The following TMEM132C variants were observed in gnomAD, a reference collection of about 807,000 sequenced individuals.
TMEM132C encodes transmembrane protein 132C.
In TMEM132C, 29 loss-of-function variants were observed where a neutral mutation model predicts 61.4. The ratio of observed to expected loss-of-function variants is 0.47; its 90% confidence interval spans 0.35 to 0.64. The LOEUF (loss-of-function observed/expected upper bound fraction) is 0.64. TMEM132C is among the 30% of genes least tolerant of loss of function. TMEM132C has a pLI of 0.00. For synonymous variants in TMEM132C, 656 were observed against 633.1 expected (o/e 1.04, Z -0.54); for missense variants, 1,408 against 1,476.9 (o/e 0.95, Z 0.76).
In TMEM132C at chr12:128,510,574, C is replaced by T. The variant is rs183862277; in HGVS notation, c.975-33383C>T. On this transcript the variant is annotated intron_variant, in intron 2 of 8. Coordinates refer to ENST00000435159, the MANE Select transcript of TMEM132C (RefSeq NM_001136103.3). ...GGTAGCCTGCCGTCTAGAAGACTCT[C>T]CTCACATTTTCTGCATCGCTGGAGC... is the stretch of plus-strand genomic sequence containing the variant. 1.2e-4 allele frequency among the ~76,000 whole-genome samples: 18 copies of T among 152,328 alleles called. 1 individual carries two copies. The East Asian group carries it at 3.3e-3, about 28-fold the overall frequency.
At chr12:128,304,634 A>G (rs891494885) in intron 1 of TMEM132C, among the ~76,000 whole-genome samples, 1 of 101,850 alleles carries the variant, frequency 9.8e-6, no homozygotes, top group African/African-American at 3.3e-5. Flanking sequence ...AGAAAGAAAG[A>G]AAGAAAAAAA....
At chr12:128,353,780 G>A (rs1415623054) in intron 1 of TMEM132C, among the ~76,000 whole-genome samples, 2 of 152,094 alleles carry the variant, frequency 1.3e-5, no homozygotes, top group Non-Finnish European at 1.5e-5. Flanking sequence ...AGTAGTGGCC[G>A]CAACCTGGTG....
At chr12:128,568,448 T>C (rs190251690) in intron 3 of TMEM132C, among the ~76,000 whole-genome samples, 260 of 152,328 alleles carry the variant, frequency 1.7e-3, no homozygotes, top group African/African-American at 5.7e-3. Flanking sequence ...ACATTTCAAA[T>C]AAATAATCAT....
chr12:128,348,296 A>G (rs1375799319), intron 1 of TMEM132C, among the ~76,000 whole-genome samples: 2 of 152,206 alleles, frequency 1.3e-5, no homozygotes, highest in Non-Finnish European at 2.9e-5. Flanking sequence ...CTGTAACTCT[A>G]CTGAATTCAA....
At position 128,705,900 on chromosome 12, in the gene TMEM132C, G is replaced by A; in HGVS notation, c.2932G>A (p.Ala978Thr). ...CGACTGGGTGTGGCTTGGCAATGAG[G>A]CCGAACTCCTGGAGAGCATGGGGGA... The part of the protein sequence containing the change: ...SHDWVWLGNE[A>T]ELLESMGDAP... Residue 978 changes from alanine (A) to threonine (T), a missense_variant, in exon 9 of 9, where the codon GCC becomes ACC. Coordinates refer to ENST00000435159, the MANE Select transcript of TMEM132C (RefSeq NM_001136103.3). The A allele has an allele frequency of 6.4e-7, 1 of 1,551,364 alleles. No individual in the cohort carries two copies. The highest frequency in any genetic ancestry group is 8.7e-7 in the Non-Finnish European group (1 of 1,146,982).
intron 5 of TMEM132C, among the ~76,000 whole-genome samples, chr12:128,672,721 A>G (rs1479610519): frequency 6.6e-6 from 1 of 152,182 alleles, no homozygotes; most frequent in South Asian, 2.1e-4. Context: ...GATGAGATCA[A>G]TGATATTTTC....
intron 1 of TMEM132C, among the ~76,000 whole-genome samples, chr12:128,375,266 C>T (rs549141828): frequency 5.3e-5 from 8 of 152,174 alleles, no homozygotes; most frequent in South Asian, 4.1e-4. Context: ...AGGAAGGCCA[C>T]GGGAGGGCTC....
intron 2 of TMEM132C, among the ~76,000 whole-genome samples, chr12:128,460,981 G>A (rs898862226): frequency 2.6e-5 from 4 of 152,124 alleles, no homozygotes; most frequent in Non-Finnish European, 4.4e-5. Context: ...GAGAGGATGC[G>A]TGTTCATCAA....
chr12:128,528,557 CAG>C (rs1221370756), intron 2 of TMEM132C, among the ~76,000 whole-genome samples: 2 of 152,142 alleles, frequency 1.3e-5, no homozygotes, highest in African/African-American at 4.8e-5. Context: ...TGCCTTGGAA[CAG>C]AGTTTCTCAA....
chr12:128,389,501 C>T (rs898332182), intron 1 of TMEM132C, among the ~76,000 whole-genome samples: 8 of 152,172 alleles, frequency 5.3e-5, no homozygotes, highest in Admixed American at 5.2e-4. Context: ...ATTCTGTTTT[C>T]TCCCACCAGA....
Position 128,697,213 on chromosome 12 carries a change from C to A in TMEM132C, c.1930-11C>A. 1.3e-6 allele frequency: 2 copies of A among 1,492,950 alleles called. No individual in the cohort carries two copies. The highest frequency in any genetic ancestry group is 1.8e-6 in the Non-Finnish European group (2 of 1,109,852). The allele number at this position is 1,492,950 out of a possible 1,614,324, so 92.5% of individuals were successfully genotyped here. On this transcript the variant is annotated splice_polypyrimidine_tract_variant and intron_variant, in intron 7 of 8. Coordinates refer to ENST00000435159, the MANE Select transcript of TMEM132C (RefSeq NM_001136103.3). ...GTGATGGATTTTCCTTGTGTCCTGC[C>A]AATCCCACAGGTGTTGTCTCCACTG... is the stretch of plus-strand genomic sequence containing the variant.
intron 5 of TMEM132C, among the ~76,000 whole-genome samples, chr12:128,687,581 G>T (rs972804937): frequency 4.3e-4 from 65 of 152,222 alleles, no homozygotes; most frequent in Non-Finnish European, 6.3e-4. Flanking sequence ...AGGCCCTGTG[G>T]CAGGTGTGCA....
chr12:128,573,338 AAACTATCAC>A (rs1440789481), intron 3 of TMEM132C, among the ~76,000 whole-genome samples: 3 of 152,146 alleles, frequency 2.0e-5, no homozygotes, highest in Non-Finnish European at 2.9e-5. Context: ...CATTCTGAGC[AAACTATCAC>A]AAGGACAGAA....
chr12:128,579,145 TGG>T (rs1195528849), intron 3 of TMEM132C, among the ~76,000 whole-genome samples: 2 of 152,236 alleles, frequency 1.3e-5, no homozygotes, highest in African/African-American at 4.8e-5. Flanking sequence ...TCTTATAGCC[TGG>T]GGGCGAGCAC....
At chr12:128,420,995 A>G (rs1026042974) in intron 2 of TMEM132C, among the ~76,000 whole-genome samples, 2 of 152,210 alleles carry the variant, frequency 1.3e-5, no homozygotes, top group Admixed American at 1.3e-4. Context: ...GGGAACCAAC[A>G]CTGTATTTTT....
chr12:128,653,557 C>T (rs1274999320), intron 4 of TMEM132C, among the ~76,000 whole-genome samples: 1 of 152,176 alleles, frequency 6.6e-6, no homozygotes, highest in East Asian at 1.9e-4. Context: ...GGCCTGGGCT[C>T]CATCCCTGGC....
intron 1 of TMEM132C, among the ~76,000 whole-genome samples, chr12:128,350,882 A>G (rs1393668241): frequency 6.6e-6 from 1 of 152,118 alleles, no homozygotes; most frequent in Non-Finnish European, 1.5e-5. Flanking sequence ...AGTAGCTTCC[A>G]GGAAGTCACC....
intron 2 of TMEM132C, among the ~76,000 whole-genome samples, chr12:128,532,738 T>C (rs1033138330): frequency 2.0e-5 from 3 of 150,842 alleles, no homozygotes; most frequent in African/African-American, 7.4e-5. Context: ...GTGCCAACCA[T>C]GTGAGGGTGA....
Position 128,622,361 on chromosome 12 carries a change from ATATAT to A in TMEM132C, c.1305+6027_1305+6031del, listed in dbSNP as rs1220671667. ...TTTGTCTCAAAAAAAAAAAAAAAAA[ATATAT>A]ATATATATATATATATATATATATA... On this transcript the variant is annotated intron_variant, in intron 4 of 8. Coordinates refer to ENST00000435159, the MANE Select transcript of TMEM132C (RefSeq NM_001136103.3). 4.9e-3 allele frequency among the ~76,000 whole-genome samples: 187 copies of A among 38,152 alleles called. 5 individuals carry two copies. Among genetic ancestry groups the A allele is most frequent in the Non-Finnish European group, 7.2e-3 (149 of 20,836 alleles). 25.0% of individuals were successfully genotyped at this position (38,152 alleles called of 152,430 possible). A position where few individuals can be genotyped will look rare whatever the true frequency, so the allele number is the denominator to read the frequency against.
Sources: allele counts gnomAD v4.1 joint callset (sites outside exome capture counted in the v4.1 genomes callset), GRCh38; gene constraint gnomAD v4.1.1; transcripts MANE v1.5; gene names NCBI Gene and HGNC (gene_info 2026-07-23, HGNC 2026-07-21).